Variants in NDST4 observed in about 807,000 individuals in gnomAD.
NDST4 encodes N-deacetylase and N-sulfotransferase 4, also known as N-heparan sulfate sulfotransferase 4.
In NDST4, 63 loss-of-function variants were observed where a neutral mutation model predicts 100.8. The ratio of observed to expected loss-of-function variants is 0.62; its 90% CI spans 0.51 to 0.77. The LOEUF (loss-of-function observed/expected upper bound fraction) is 0.77, where lower values mean the gene tolerates loss of function less well. Ranked by LOEUF, NDST4 falls within the 30% of genes least tolerant of loss-of-function variation. NDST4 has a pLI of 0.00. For missense variants in NDST4, 943 were observed against 1,018.4 expected (o/e 0.93, Z 1.01); for synonymous variants, 377 against 361.8 (o/e 1.04, Z -0.48).
At chr4:114,892,332 A>C (rs552196468) in intron 6 of NDST4, among the ~76,000 whole-genome samples, 1 of 152,142 alleles carries the variant, frequency 6.6e-6, no homozygotes, top group African/African-American at 2.4e-5. Context: ...TTTCTACACT[A>C]ATTGTTTTTA....
chr4:114,983,635 G>T (rs572776826), intron 2 of NDST4, among the ~76,000 whole-genome samples: 1 of 152,290 alleles, frequency 6.6e-6, no homozygotes, highest in African/African-American at 2.4e-5. Context: ...TCTCAGATGA[G>T]AATTTAGACT....
At chr4:114,921,639 A>C (rs1205255417) in intron 6 of NDST4, among the ~76,000 whole-genome samples, 1 of 151,882 alleles carries the variant, frequency 6.6e-6, no homozygotes, top group Non-Finnish European at 1.5e-5. Flanking sequence ...ACCAACATTT[A>C]TTTCTCCCGT....
At chr4:114,914,873 G>T (rs941360038) in intron 6 of NDST4, among the ~76,000 whole-genome samples, 13 of 151,938 alleles carry the variant, frequency 8.6e-5, no homozygotes, top group Non-Finnish European at 1.9e-4. Context: ...ATTTTTACTC[G>T]TGCTATCGCC....
intron 1 of NDST4, among the ~76,000 whole-genome samples, chr4:115,081,448 T>C (rs577184921): frequency 6.6e-6 from 1 of 152,214 alleles, no homozygotes; most frequent in South Asian, 2.1e-4. Context: ...TGTGATTAGT[T>C]TGAATCTCTT....
intron 3 of NDST4, among the ~76,000 whole-genome samples, chr4:114,973,258 G>A (rs970720515): frequency 1.3e-5 from 2 of 151,824 alleles, no homozygotes; most frequent in South Asian, 4.2e-4. Context: ...GACCAGATTA[G>A]CGCATTTATT....
Position 114,935,268 on chromosome 4 carries a change from G to C in NDST4, c.1474C>G (p.Pro492Ala). The change falls in exon 6 of 14, where the codon CCC becomes GCC. Residue 492 changes from proline (P) to alanine (A), a missense_variant. Pro to Ala is a conservative substitution (Grantham distance 27). Around this residue, in one of 2 missense-constraint regions of NDST4, gnomAD observed 526 missense variants for 634.1 expected, o/e 0.83. Coordinates refer to ENST00000264363, the MANE Select transcript of NDST4 (RefSeq NM_022569.3). ...CTGATACTTTTATCCAGTTCTTGGG[G>C]TCCTCCTGGATATTCTTTGTAGAAA... Reference protein sequence around the residue: ...TIFYKEYPGGPQELDKSIRGG... With the variant: ...TIFYKEYPGGAQELDKSIRGG... The C allele has an allele frequency of 6.2e-7, 1 of 1,610,774 alleles. No homozygotes were observed. Among genetic ancestry groups the C allele is most frequent in the East Asian group, 2.2e-5 (1 of 44,630 alleles).
chr4:115,033,153 A>ATTT (rs1253467263), intron 2 of NDST4, among the ~76,000 whole-genome samples: 5 of 75,612 alleles, frequency 6.6e-5, no homozygotes, highest in African/African-American at 3.6e-4. Context: ...ATATATATAT[A>ATTT]TATATTTTTT....
At chr4:115,056,062 C>T (rs499404) in intron 2 of NDST4, among the ~76,000 whole-genome samples, 40,171 of 151,940 alleles carry the variant, frequency 0.26, 7,384 homozygotes, top group African/African-American at 0.5. Flanking sequence ...GATTATATTA[C>T]ACTATTAGGC....
Position 115,050,199 on chromosome 4 carries a change from T to C in NDST4, c.978+25860A>G, listed in dbSNP as rs1728554510. Among the ~76,000 whole-genome samples the C allele has an allele frequency of 1.3e-5, 2 of 152,136 alleles. 1 individual carries two copies. The highest frequency in any genetic ancestry group is 4.1e-4 in the South Asian group (2 of 4,830). On this transcript the variant is annotated intron_variant, in intron 2 of 13. Coordinates refer to ENST00000264363, the MANE Select transcript of NDST4 (RefSeq NM_022569.3). ...CTTGTGTAGGCAGAAATATCCTTAATGGTAATAGTTTTGGTCTGTACTATC... is the reference window on the plus strand; with the variant it reads ...CTTGTGTAGGCAGAAATATCCTTAACGGTAATAGTTTTGGTCTGTACTATC...
intron 2 of NDST4, among the ~76,000 whole-genome samples, chr4:115,035,330 T>C (rs1728210565): frequency 6.6e-6 from 1 of 152,048 alleles, no homozygotes; most frequent in African/African-American, 2.4e-5. Flanking sequence ...AATTTCATTA[T>C]GTGACTGAAA....
In NDST4 at chr4:114,920,832, C is replaced by A. The variant is rs536613096; in HGVS notation, c.1536+14374G>T. On this transcript the variant is annotated intron_variant, in intron 6 of 13. Transcript: ENST00000264363. ...CAATAACTGCAGACATGAAGAGTAT[C>A]CTATCCACTAGTGATAGGTGATGAA... Among the ~76,000 whole-genome samples the A allele has an allele frequency of 2.0e-5, 3 of 152,206 alleles. 1 individual carries two copies. The South Asian group carries it at 6.2e-4, about 32-fold the overall frequency.
chr4:114,899,405 C>G lies in NDST4; in HGVS notation c.1537-28455G>C, dbSNP rs1437798289. Among the ~76,000 whole-genome samples, 4 of 152,208 alleles carry G rather than the reference C, an allele frequency of 2.6e-5. No homozygotes were observed. The East Asian group carries it at 7.7e-4, about 29-fold the overall frequency. On this transcript the variant is annotated intron_variant, in intron 6 of 13. Transcript: ENST00000264363. ...GGTTAGCCAGGATGGTCTGGATCTC[C>G]TGACTTCATGATCCACCCACCTCGG...
chr4:114,935,415 C>T (rs1476712150), intron 5 of NDST4, 81 bp from the exon 6 acceptor site: 4 of 1,299,318 alleles, frequency 3.1e-6, no homozygotes, highest in South Asian at 2.3e-5. Context: ...TTAGAATCTG[C>T]AAATTGTAAT....
At chr4:115,045,719 C>T (rs1445494129) in intron 2 of NDST4, among the ~76,000 whole-genome samples, 1 of 152,108 alleles carries the variant, frequency 6.6e-6, no homozygotes, top group African/African-American at 2.4e-5. Context: ...TCCCTTTCTA[C>T]AGTACTTTTG....
At chr4:114,838,585 G>T (rs1031121794) in intron 11 of NDST4, among the ~76,000 whole-genome samples, 1 of 152,000 alleles carries the variant, frequency 6.6e-6, no homozygotes, top group African/African-American at 2.4e-5. Context: ...ACCAAATTCC[G>T]CATGTTCTCA....
intron 6 of NDST4, among the ~76,000 whole-genome samples, chr4:114,921,685 T>C (rs562136395): frequency 6.6e-6 from 1 of 152,334 alleles, no homozygotes; most frequent in African/African-American, 2.4e-5. Context: ...GGAACTTAGA[T>C]GACTTATTCT....
At chr4:114,998,552 C>A (rs1029555159) in intron 2 of NDST4, among the ~76,000 whole-genome samples, 2 of 151,962 alleles carry the variant, frequency 1.3e-5, no homozygotes, top group African/African-American at 2.4e-5. Flanking sequence ...AGATTCTGGG[C>A]AAGAATTAAA....
At chr4:115,047,839 A>T (rs555015299) in intron 2 of NDST4, among the ~76,000 whole-genome samples, 2 of 152,262 alleles carry the variant, frequency 1.3e-5, no homozygotes, top group Non-Finnish European at 2.9e-5. Context: ...CAATCTATTA[A>T]TTGATCTATG....
intron 6 of NDST4, among the ~76,000 whole-genome samples, chr4:114,921,079 G>T (rs1725276233): frequency 6.6e-6 from 1 of 152,006 alleles, no homozygotes; most frequent in Non-Finnish European, 1.5e-5. Flanking sequence ...GATAAACAAA[G>T]AACTTAGTGT....
Sources: gnomAD v4.1 joint callset for allele counts (sites outside exome capture counted in the v4.1 genomes callset) on GRCh38, gnomAD v4.1.1 for gene constraint, gnomAD v4.1.1 regional missense constraint, MANE v1.5 for transcripts, NCBI Gene and HGNC (gene_info 2026-07-23, HGNC 2026-07-21) for gene names.